The following AHNAK2 variants were observed in gnomAD, a reference collection of about 807,000 sequenced individuals.
AHNAK2 encodes the protein protein AHNAK2.
AHNAK2 carries 18 observed loss-of-function variants against 30.7 expected under a neutral mutation model. That is an observed-to-expected ratio of 0.59 (90% confidence interval 0.41 to 0.87). The LOEUF (loss-of-function observed/expected upper bound fraction) is 0.87. Among genes scored for constraint, AHNAK2 ranks in the 40% least tolerant of loss-of-function variants. The pLI is 0.00. For synonymous variants in AHNAK2, 3,590 were observed against 3,073.8 expected (o/e 1.17, Z -5.56); for missense variants, 8,604 against 7,373.0 (o/e 1.17, Z -6.11).
chr14:104,943,041 T>A lies in AHNAK2; in HGVS notation c.12410A>T (p.Lys4137Met). 1 of 1,612,744 alleles carries A rather than the reference T, an allele frequency of 6.2e-7. No individual in the cohort carries two copies. The highest frequency in any genetic ancestry group is 1.1e-5 in the South Asian group (1 of 91,020). ...CACCCCGAATGATGGCATCTTGAAC[T>A]TGGGCATTTTGAACTTGCTGTCTTT... ...TAKDSKFKMP[K>M]FKMPSFGVSA... The change falls in exon 7 of 7, where the codon AAG (lysine) becomes ATG (methionine). Residue 4137 changes from lysine to methionine, a missense_variant. Coordinates refer to ENST00000333244, the MANE Select transcript of AHNAK2 (RefSeq NM_138420.4).
chr14:104,944,659 C>T lies in AHNAK2; in HGVS notation c.10792G>A (p.Glu3598Lys), dbSNP rs377633779. ...PKAEVRVPDVEVSLPSVEVDV... is the reference protein window; with the variant it reads ...PKAEVRVPDVKVSLPSVEVDV... ...ACCTCCACGCTGGGCAGAGACACCT[C>T]GACATCGGGGACTCTCACTTCTGCC... Residue 3598 changes from glutamate (E) to lysine (K), a missense_variant, in exon 7 of 7, where the codon GAG (glutamate) becomes AAG (lysine). Transcript: ENST00000333244. The T allele has an allele frequency of 7.4e-6, 12 of 1,613,060 alleles. No individual in the cohort carries two copies. Among genetic ancestry groups the T allele is most frequent in the East Asian group, 4.5e-5 (2 of 44,798 alleles).
In AHNAK2 at chr14:104,942,143, TG is replaced by T. The variant is rs1276087567; in HGVS notation, c.13307del (p.Pro4436GlnfsTer21). On this transcript the variant is annotated frameshift_variant, in exon 7 of 7. Transcript: ENST00000333244. LOFTEE classifies it low-confidence loss of function (END_TRUNC). Reference protein sequence around the residue: ...LPSMEVDIQAPGAKLDSTRLE... With the variant: ...LPSMEVDIQAXGAKLDSTRLE... Reference sequence around the variant, plus strand: ...GCCGCGTACTGTCCAGCTTGGCTCCTGGGGCTTGGATGTCCACCTCCATGCT... The same window carrying T: ...GCCGCGTACTGTCCAGCTTGGCTCCTGGGCTTGGATGTCCACCTCCATGCT... The T allele has an allele frequency of 6.2e-7, 1 of 1,610,942 alleles. No individual in the cohort carries two copies. The highest frequency in any genetic ancestry group is 1.4e-5 in the African/African-American group (1 of 73,966).
chr14:104,963,932 T>A (rs1015464634), intron 1 of AHNAK2, among the ~76,000 whole-genome samples: 1 of 151,682 alleles, frequency 6.6e-6, no homozygotes, highest in African/African-American at 2.4e-5. Flanking sequence ...AGTATAGCCA[T>A]GATAGAAAAC....
chr14:104,976,351 G>C (rs538484883), intron 1 of AHNAK2, among the ~76,000 whole-genome samples: 23 of 152,292 alleles, frequency 1.5e-4, no homozygotes, highest in Middle Eastern at 3.4e-3. Flanking sequence ...CTGGTGTGTC[G>C]GGCAGAGGGC....
chr14:104,945,662 C>T lies in AHNAK2; in HGVS notation c.9789G>A (p.Thr3263=), dbSNP rs777990695. ...LDLKGPKMDV[T]APDVEVSQPS... ...GCTGAGACACCTCCACGTCGGGGGCCGTCACATCCATCTTCGGGCCTTTCA... is the reference window on the plus strand; with the variant it reads ...GCTGAGACACCTCCACGTCGGGGGCTGTCACATCCATCTTCGGGCCTTTCA... Residue 3263 remains threonine (T), a synonymous_variant, in exon 7 of 7, where the codon ACG becomes ACA. Coordinates refer to ENST00000333244, the MANE Select transcript of AHNAK2 (RefSeq NM_138420.4). 2.2e-5 allele frequency: 34 copies of T among 1,575,132 alleles called. 1 individual carries two copies. Among genetic ancestry groups the T allele is most frequent in the African/African-American group, 8.3e-5 (6 of 72,514 alleles).
In AHNAK2 at chr14:104,945,111, C is replaced by T. The variant is rs758648675; in HGVS notation, c.10340G>A (p.Arg3447Lys). The T allele has an allele frequency of 5.6e-6, 9 of 1,611,280 alleles. No individual in the cohort carries two copies. The highest frequency in any genetic ancestry group is 6.8e-6 in the Non-Finnish European group (8 of 1,178,976). ...CAGCCGCGCACCATCCAGCTTGGCT[C>T]TCGGGGCCTGGACGTCCACCTCCAC... ...PSVEVDVQAPRAKLDGARLEG... is the reference protein window; with the variant it reads ...PSVEVDVQAPKAKLDGARLEG... Residue 3447 changes from arginine (R) to lysine (K), a missense_variant, in exon 7 of 7, where the codon AGA (arginine) becomes AAA (lysine). Arg to Lys is a conservative substitution (Grantham distance 26, BLOSUM62 2). Transcript: ENST00000333244.
chr14:104,970,726 A>C (rs571879367), intron 1 of AHNAK2, among the ~76,000 whole-genome samples: 32 of 152,022 alleles, frequency 2.1e-4, no homozygotes, highest in Non-Finnish European at 3.8e-4. Context: ...GCCCACCCCC[A>C]GCCTGAGCAG....
At position 104,943,470 on chromosome 14, in the gene AHNAK2, G is replaced by T; in HGVS notation, c.11981C>A (p.Thr3994Asn). The T allele has an allele frequency of 6.2e-7, 1 of 1,613,124 alleles. No individual in the cohort carries two copies. The highest frequency in any genetic ancestry group is 8.5e-7 in the Non-Finnish European group (1 of 1,179,604). Residue 3994 changes from threonine to asparagine, a missense_variant, in exon 7 of 7, where the codon ACC (threonine) becomes AAC (asparagine). Physicochemically the swap from Thr to Asn is moderately conservative, Grantham distance 65. Transcript: ENST00000333244. ...GKSMEASVDV[T>N]APKVEADVSL... ...CACGTCGGCCTCCACCTTTGGCGCG[G>T]TCACATCCACTGATGCCTCCATGGA...
At position 104,940,334 on chromosome 14, in the gene AHNAK2, G is replaced by T; in HGVS notation, c.15117C>A (p.Ser5039Arg). Residue 5039 changes from serine to arginine, a missense_variant, in exon 7 of 7, where the codon AGC becomes AGA. By Grantham distance (110) the Ser-to-Arg change is moderately radical. Transcript: ENST00000333244. This position sits in a 1 kb window ranked among gnomAD's most constrained non-coding sequence, Gnocchi z 4.4. ...PKMKASKSGV[S>R]LPQRDVDPSL... ...AAGGATCCACGTCTCTCTGTGGCAG[G>T]CTGACCCCACTCTTAGAAGCCTTCA... 1 of 1,613,796 alleles carries T rather than the reference G, an allele frequency of 6.2e-7. No individual in the cohort carries two copies. The highest frequency in any genetic ancestry group is 2.2e-5 in the East Asian group (1 of 44,882).
Position 104,939,045 on chromosome 14 carries a change from C to T in AHNAK2, c.16406G>A (p.Gly5469Asp). 1 of 1,607,460 alleles carries T rather than the reference C, an allele frequency of 6.2e-7. No individual in the cohort carries two copies. The highest frequency in any genetic ancestry group is 1.3e-5 in the African/African-American group (1 of 74,932). The change falls in exon 7 of 7, where the codon GGT (glycine) becomes GAT (aspartate). Residue 5469 changes from glycine to aspartate, a missense_variant. Gly to Asp is a moderately conservative substitution (Grantham distance 94). Coordinates refer to ENST00000333244, the MANE Select transcript of AHNAK2 (RefSeq NM_138420.4). ...GACCTCTTGACTTTCAACCTGAGCACCCTGAATATGCACTCTGACCTTTGA... is the reference window on the plus strand; with the variant it reads ...GACCTCTTGACTTTCAACCTGAGCATCCTGAATATGCACTCTGACCTTTGA... ...PISKVRVHIQ[G>D]AQVESQEVTI...
At position 104,947,930 on chromosome 14, in the gene AHNAK2, A is replaced by T; in HGVS notation, c.7521T>A (p.Asp2507Glu). The T allele has an allele frequency of 6.2e-7, 1 of 1,612,348 alleles. No homozygotes were observed. Among genetic ancestry groups the T allele is most frequent in the Non-Finnish European group, 8.5e-7 (1 of 1,179,490 alleles). The change falls in exon 7 of 7, where the codon GAT (aspartate) becomes GAA (glutamate). Residue 2507 changes from aspartate to glutamate, a missense_variant. Physicochemically the swap from Asp to Glu is conservative, Grantham distance 45. Transcript: ENST00000333244. Reference protein sequence around the residue: ...APGKSIEASVDVSAPKVEADG... With the variant: ...APGKSIEASVEVSAPKVEADG... ...CGGCCTCCACCTTCGGCGCAGACAC[A>T]TCCACCGAGGCCTCGATGGACTTGC...
chr14:104,944,967 G>A lies in AHNAK2; in HGVS notation c.10484C>T (p.Ser3495Leu), dbSNP rs553829494. 26 of 1,613,042 alleles carry A rather than the reference G, an allele frequency of 1.6e-5. No homozygotes were observed. Among genetic ancestry groups the A allele is most frequent in the African/African-American group, 1.2e-4 (9 of 74,824 alleles). Reference protein sequence around the residue: ...VSAPGRSIEASLDVSAPKVEA... With the variant: ...VSAPGRSIEALLDVSAPKVEA... ...CACCTTCGGCGCAGACACATCCAGC[G>A]AGGCCTCGATGGACCTGCCTGGGGC... Residue 3495 changes from serine to leucine, a missense_variant, in exon 7 of 7, where the codon TCG (serine) becomes TTG (leucine). Transcript: ENST00000333244.
Position 104,943,790 on chromosome 14 carries a change from G to A in AHNAK2, c.11661C>T (p.Pro3887=). Residue 3887 remains proline (P), a synonymous_variant, in exon 7 of 7, where the codon CCC becomes CCT. Transcript: ENST00000333244. ...TCTTGAAACTGGGCATCTGCACCTT[G>A]GGCAGGTGTCCTTTGAGGCCGGCTT... is the stretch of plus-strand genomic sequence containing the variant. ...PEEAGLKGHL[P]KVQMPSFKMP... is the part of the protein sequence containing the mutation. 6.2e-7 allele frequency: 1 copy of A among 1,613,222 alleles called. No homozygotes were observed. Among genetic ancestry groups the A allele is most frequent in the Non-Finnish European group, 8.5e-7 (1 of 1,179,614 alleles).
rs572631455 is a variant in AHNAK2, at chr14:104,952,025, A to G, written c.3426T>C (p.Ser1142=). The G allele has an allele frequency of 6.2e-7, 1 of 1,611,024 alleles. No individual in the cohort carries two copies. Among genetic ancestry groups the G allele is most frequent in the South Asian group, 1.1e-5 (1 of 90,968 alleles). ...DVEAPGAKLD[S]ARLEGELSLA... ...GGGACAGTTCCCCCTCCAGCCGCGC[A>G]CTGTCCAGCTTGGCTCCCGGGGCCT... Residue 1142 remains serine, a synonymous_variant, in exon 7 of 7, where the codon AGT becomes AGC. Coordinates refer to ENST00000333244, the MANE Select transcript of AHNAK2 (RefSeq NM_138420.4).
chr14:104,945,280 G>A lies in AHNAK2; in HGVS notation c.10171C>T (p.Leu3391=), dbSNP rs189869484. 3.3e-4 allele frequency: 528 copies of A among 1,612,994 alleles called. 2 individuals are homozygous for A. Among genetic ancestry groups the A allele is most frequent in the Admixed American group, 1.4e-3 (84 of 59,948 alleles). The stretch of plus-strand genomic sequence containing the variant: ...AAACTGGGCATCTCCACCTTGGGCA[G>A]GTGCCCTTTGAGGCCAGCTCCCTCG... ...VPEGAGLKGH[L]PKVEMPSFKM... Residue 3391 remains leucine, a synonymous_variant, in exon 7 of 7, where the codon CTG becomes TTG. Transcript: ENST00000333244.
Position 104,941,034 on chromosome 14 carries a change from G to C in AHNAK2, c.14417C>G (p.Pro4806Arg), listed in dbSNP as rs778102406. ...AGAAGGAATTTCCAGAGCAAGCTCA[G>C]GGGCCAAGGCAGCTCTGGGAACAGT... is the stretch of plus-strand genomic sequence containing the variant. ...QVTVPRAALA[P>R]ELALEIPSGS... The change falls in exon 7 of 7, where the codon CCT becomes CGT. Residue 4806 changes from proline (P) to arginine (R), a missense_variant. By Grantham distance (103) the Pro-to-Arg change is moderately radical. Coordinates refer to ENST00000333244, the MANE Select transcript of AHNAK2 (RefSeq NM_138420.4). 5 of 1,613,600 alleles carry C rather than the reference G, an allele frequency of 3.1e-6. No individual in the cohort carries two copies. In the Admixed American group the frequency reaches 6.7e-5, roughly 22 times the overall value.
At chr14:104,956,722 G>A in intron 3 of AHNAK2, 33 bp from the exon 4 acceptor site, 1 of 1,605,388 alleles carries the variant, frequency 6.2e-7, no homozygotes, top group South Asian at 1.1e-5. Flanking sequence ...TTAGGCACCT[G>A]CCCCAGCTCA....
rs373641093 is a variant in AHNAK2 at position 104,941,638 on chromosome 14, G to C, written c.13813C>G (p.Leu4605Val). ...ETDVQAPGSM[L>V]DGARLEGDLS... is the part of the protein sequence containing the mutation. ...TCCCCCTCAAGCCGCGCACCATCCAGCATGGATCCTGGGGCCTGGACATCC... is the reference window on the plus strand; with the variant it reads ...TCCCCCTCAAGCCGCGCACCATCCACCATGGATCCTGGGGCCTGGACATCC... The change falls in exon 7 of 7, where the codon CTG becomes GTG. Residue 4605 changes from leucine (L) to valine (V), a missense_variant. Leu to Val is a conservative substitution (Grantham distance 32, BLOSUM62 1). Coordinates refer to ENST00000333244, the MANE Select transcript of AHNAK2 (RefSeq NM_138420.4). 13 of 1,613,494 alleles carry C rather than the reference G, an allele frequency of 8.1e-6. No individual in the cohort carries two copies. Among genetic ancestry groups the C allele is most frequent in the Non-Finnish European group, 1.0e-5 (12 of 1,179,898 alleles).
Position 104,942,663 on chromosome 14 carries a change from C to A in AHNAK2, c.12788G>T (p.Ser4263Ile). The change falls in exon 7 of 7, where the codon AGC becomes ATC. Residue 4263 changes from serine to isoleucine, a missense_variant. Coordinates refer to ENST00000333244, the MANE Select transcript of AHNAK2 (RefSeq NM_138420.4). The part of the protein sequence containing the change: ...MTPVVEVSLP[S>I]MEVDVEAPGA... Reference sequence around the variant, plus strand: ...CGGGGCCTCGACGTCCACCTCCATGCTGGGCAGAGACACCTCCACGACGGG... The same window carrying A: ...CGGGGCCTCGACGTCCACCTCCATGATGGGCAGAGACACCTCCACGACGGG... 1.9e-6 allele frequency: 3 copies of A among 1,613,578 alleles called. No individual in the cohort carries two copies. Among genetic ancestry groups the A allele is most frequent in the Non-Finnish European group, 2.5e-6 (3 of 1,179,740 alleles).
Sources: gnomAD v4.1 joint callset for allele counts (sites outside exome capture counted in the v4.1 genomes callset) on GRCh38, gnomAD v4.1.1 for gene constraint, Gnocchi (gnomAD v3.1) non-coding constraint, MANE v1.5 for transcripts, NCBI Gene and HGNC (gene_info 2026-07-23, HGNC 2026-07-21) for gene names.